The following PDE7B variants were observed in gnomAD, a reference collection of about 807,000 sequenced individuals.
PDE7B encodes 3',5'-cyclic-AMP phosphodiesterase 7B.
In PDE7B, 29 loss-of-function variants were observed where a neutral mutation model predicts 56.2. The ratio of observed to expected loss-of-function variants is 0.52; its 90% CI spans 0.38 to 0.70. PDE7B has a LOEUF of 0.70. PDE7B is among the 30% of genes least tolerant of loss of function. PDE7B has a pLI of 0.00. For missense variants in PDE7B, 490 were observed against 565.0 expected, an observed-to-expected ratio of 0.87 and a Z score of 1.35; for synonymous variants, 197 against 196.9, an observed-to-expected ratio of 1.00 and a Z score of 0.00.
At chr6:136,010,348 G>A (rs370388244) in intron 2 of PDE7B, among the ~76,000 whole-genome samples, 3 of 151,710 alleles carry the variant, frequency 2.0e-5, no homozygotes, top group East Asian at 1.9e-4. Flanking sequence ...TAACCTGCAG[G>A]GGGTATGGCT....
intron 2 of PDE7B, among the ~76,000 whole-genome samples, chr6:136,075,984 C>A (rs1009790109): frequency 6.6e-6 from 1 of 152,116 alleles, no homozygotes; most frequent in Non-Finnish European, 1.5e-5. Flanking sequence ...TTGAATATAC[C>A]TGCTTACCCC....
intron 2 of PDE7B, among the ~76,000 whole-genome samples, chr6:136,059,370 T>C (rs1776797362): frequency 6.6e-6 from 1 of 152,218 alleles, no homozygotes; most frequent in South Asian, 2.1e-4. Flanking sequence ...TTATACAAAA[T>C]TAATCAAATC....
At chr6:135,888,835 A>T (rs1476574898) in intron 1 of PDE7B, among the ~76,000 whole-genome samples, 1 of 152,116 alleles carries the variant, frequency 6.6e-6, no homozygotes, top group Admixed American at 6.6e-5. Context: ...GGTGTCCAGA[A>T]GATAAATGTG....
At chr6:136,164,162 C>G (rs1778756122) in intron 8 of PDE7B, among the ~76,000 whole-genome samples, 1 of 152,156 alleles carries the variant, frequency 6.6e-6, no homozygotes, top group South Asian at 2.1e-4. Context: ...TTCTACAGTG[C>G]TGGGGAGGCC....
intron 1 of PDE7B, among the ~76,000 whole-genome samples, chr6:135,907,659 G>T (rs1344251254): frequency 1.3e-5 from 2 of 148,754 alleles, no homozygotes; most frequent in African/African-American, 5.2e-5. Context: ...AAAGTAGTTA[G>T]ACAATGTAAT....
intron 3 of PDE7B, among the ~76,000 whole-genome samples, chr6:136,136,108 A>T (rs1420742814): frequency 1.3e-5 from 2 of 152,158 alleles, no homozygotes; most frequent in African/African-American, 4.8e-5. Flanking sequence ...TTTTACAGGG[A>T]TCCTGAACCC....
intron 1 of PDE7B, among the ~76,000 whole-genome samples, chr6:135,869,086 A>T (rs1283596548): frequency 6.6e-6 from 1 of 152,190 alleles, no homozygotes; most frequent in Non-Finnish European, 1.5e-5. Flanking sequence ...ATACTTGTAC[A>T]CATATGAGGG....
chr6:135,916,152 T>C (rs1773929395), intron 1 of PDE7B, among the ~76,000 whole-genome samples: 1 of 152,186 alleles, frequency 6.6e-6, no homozygotes, highest in Non-Finnish European at 1.5e-5. Context: ...GACTTTCCCA[T>C]TTTGCATTTC....
intron 2 of PDE7B, among the ~76,000 whole-genome samples, chr6:135,970,925 T>G (rs2128202840): frequency 6.6e-6 from 1 of 152,174 alleles, no homozygotes; most frequent in African/African-American, 2.4e-5. Flanking sequence ...CATCCTTGGC[T>G]TAAGCAACTG....
intron 6 of PDE7B, among the ~76,000 whole-genome samples, chr6:136,153,566 T>C (rs1778559189): frequency 1.3e-5 from 2 of 152,158 alleles, no homozygotes; most frequent in Non-Finnish European, 2.9e-5. Context: ...ATCAAGGCAA[T>C]ACCCTGAATC....
intron 6 of PDE7B, 98 bp downstream of exon 6, chr6:136,151,353 A>G (rs1312221988): frequency 4.6e-6 from 3 of 648,346 alleles, no homozygotes; most frequent in Non-Finnish European, 8.4e-6. Flanking sequence ...AGGATGATAG[A>G]TGCATACCTC....
chr6:136,012,833 T>C (rs1414635465), intron 2 of PDE7B: 2 of 152,222 alleles, frequency 1.3e-5, no homozygotes, highest in Non-Finnish European at 2.9e-5. Flanking sequence ...TAAACTCTAA[T>C]ATGAAAGTAA....
chr6:136,016,253 A>G (rs192728842), intron 2 of PDE7B, among the ~76,000 whole-genome samples: 1 of 152,344 alleles, frequency 6.6e-6, no homozygotes, highest in East Asian at 1.9e-4. Flanking sequence ...TAGATGATAC[A>G]AGGAAAATGT....
chr6:135,958,127 G>A (rs1056657083), intron 2 of PDE7B, among the ~76,000 whole-genome samples: 1 of 152,124 alleles, frequency 6.6e-6, no homozygotes, highest in African/African-American at 2.4e-5. Context: ...AGCTACTCAG[G>A]AGGTTGAGAC....
chr6:135,961,979 A>G (rs1774911199), intron 2 of PDE7B, among the ~76,000 whole-genome samples: 1 of 152,146 alleles, frequency 6.6e-6, no homozygotes, highest in South Asian at 2.1e-4. Context: ...ACTGTGATGT[A>G]AACTGTGGAT....
intron 3 of PDE7B, chr6:136,117,056 AT>A (rs1361108264): frequency 1.3e-5 from 2 of 152,144 alleles, no homozygotes; most frequent in East Asian, 3.9e-4. Flanking sequence ...ATCCCAGCGG[AT>A]TTGCTAACTC....
chr6:136,005,850 A>G (rs1311887279), intron 2 of PDE7B, among the ~76,000 whole-genome samples: 2 of 152,194 alleles, frequency 1.3e-5, no homozygotes, highest in Non-Finnish European at 2.9e-5. Context: ...CCATCCCATT[A>G]CTGAGTATAT....
chr6:136,034,720 C>T (rs572100604), intron 2 of PDE7B: 6 of 162,708 alleles, frequency 3.7e-5, no homozygotes, highest in East Asian at 3.4e-4. Flanking sequence ...CAGTCCCTTC[C>T]GTGCAGCCAT....
In PDE7B at chr6:135,922,757, G is replaced by A. The variant is rs938559503; in HGVS notation, c.22-24707G>A. On this transcript the variant is annotated intron_variant, in intron 1 of 12. Transcript: ENST00000308191. ...AATTAACAACATACCTTAAGAAACA[G>A]TCTATGTTAAGTCAGTGTAATAGCA... Among the ~76,000 whole-genome samples the A allele has an allele frequency of 2.6e-5, 4 of 152,152 alleles. No individual in the cohort carries two copies. The South Asian group carries it at 8.3e-4, about 32-fold the overall frequency.
Sources: gnomAD v4.1 joint callset for allele counts (sites outside exome capture counted in the v4.1 genomes callset) on GRCh38, gnomAD v4.1.1 for gene constraint, MANE v1.5 for transcripts, NCBI Gene and HGNC (gene_info 2026-07-23, HGNC 2026-07-21) for gene names.